Variants in FBXW8 observed in about 807,000 individuals in gnomAD.
FBXW8 encodes F-box and WD repeat domain containing 8, also known as F-box/WD repeat-containing protein 8.
In FBXW8, 57 loss-of-function variants were observed where a neutral mutation model predicts 65.3. That is an observed-to-expected ratio of 0.87 (90% CI 0.71 to 1.09). FBXW8 has a LOEUF of 1.09. FBXW8 is among the 50% of genes least tolerant of loss of function. FBXW8 has a pLI of 0.00. For missense variants in FBXW8, 777 were observed against 814.8 expected (o/e 0.95, Z 0.57); for synonymous variants, 308 against 330.2 (o/e 0.93, Z 0.73).
chr12:117,023,536 T>C (rs1409046759), intron 8 of FBXW8, among the ~76,000 whole-genome samples: 1 of 152,206 alleles, frequency 6.6e-6, no homozygotes, highest in African/African-American at 2.4e-5. Flanking sequence ...AAAGAGGTTC[T>C]TAAAGAAATG....
intron 5 of FBXW8, among the ~76,000 whole-genome samples, chr12:116,967,159 CTT>C (rs769662348): frequency 1.9e-4 from 27 of 142,090 alleles, no homozygotes; most frequent in Admixed American, 2.8e-4. Context: ...TTCTCTGCAC[CTT>C]TTTTTTTTTT....
intron 8 of FBXW8, among the ~76,000 whole-genome samples, chr12:117,020,402 A>T (rs768102137): frequency 1.2e-4 from 18 of 152,166 alleles, no homozygotes; most frequent in Non-Finnish European, 1.9e-4. Flanking sequence ...CATGTCTTTC[A>T]TCAGTTCGGG....
chr12:116,911,594 C>CGGG (rs1396246468), intron 1 of FBXW8, among the ~76,000 whole-genome samples: 3 of 152,126 alleles, frequency 2.0e-5, no homozygotes. Context: ...GGTGCCTCAT[C>CGGG]GGGGTGTGTA....
intron 4 of FBXW8, among the ~76,000 whole-genome samples, chr12:116,963,560 T>G (rs1884123463): frequency 6.6e-6 from 1 of 152,184 alleles, no homozygotes; most frequent in African/African-American, 2.4e-5. Context: ...GCCGAAATTG[T>G]GCCACTGAAC....
rs1565950054 is a variant in FBXW8, at chr12:117,028,177, GTGC to G, written c.*6_*8del. The G allele has an allele frequency of 1.2e-6, 2 of 1,613,532 alleles. No homozygotes were observed. The highest frequency in any genetic ancestry group is 4.5e-5 in the East Asian group (2 of 44,876). The stretch of plus-strand genomic sequence containing the variant: ...TTTCCCTATAACCATGTTTAGGGAT[GTGC>G]CTCAGTTGGGAGCAAGGAGAAAAAT... On this transcript the variant is annotated 3_prime_UTR_variant, in exon 11 of 11. Coordinates refer to ENST00000652555, the MANE Select transcript of FBXW8 (RefSeq NM_153348.3). This position sits in a 1 kb window ranked among gnomAD's most constrained non-coding sequence, Gnocchi z 4.1.
chr12:116,982,001 T>G (rs539058681), intron 5 of FBXW8, among the ~76,000 whole-genome samples: 72 of 152,024 alleles, frequency 4.7e-4, no homozygotes, highest in Non-Finnish European at 8.5e-4. Context: ...AAAAGCAACC[T>G]CTAAAATAAC....
At chr12:116,963,852 A>C (rs898487427) in intron 4 of FBXW8, among the ~76,000 whole-genome samples, 2 of 152,116 alleles carry the variant, frequency 1.3e-5, no homozygotes, top group Non-Finnish European at 2.9e-5. Context: ...ATTTCTCACC[A>C]CTTTTCCCCC....
chr12:116,953,030 A>T (rs1286172993), intron 4 of FBXW8, among the ~76,000 whole-genome samples: 1 of 152,082 alleles, frequency 6.6e-6, no homozygotes, highest in East Asian at 1.9e-4. Context: ...GAGCCACTGC[A>T]CCCGGCCTGT....
rs758732006 is a variant in FBXW8, at chr12:117,027,467, C to T, written c.1615C>T (p.Arg539Ter). Residue 539 changes from arginine (R) to a stop codon, truncating the protein, a stop_gained, in exon 10 of 11, where the codon CGA becomes TGA. Coordinates refer to ENST00000652555, the MANE Select transcript of FBXW8 (RefSeq NM_153348.3). LOFTEE classifies it low-confidence loss of function (END_TRUNC). Reference protein sequence around the residue: ...TANVPYQTVMRNADLDSFTTH... With the variant: ...TANVPYQTVM Reference sequence around the variant, plus strand: ...CAACGTGCCTTACCAGACGGTAATGCGAAACGCCGACCTGGACAGCTTCAC... The same window carrying T: ...CAACGTGCCTTACCAGACGGTAATGTGAAACGCCGACCTGGACAGCTTCAC... 23 of 1,614,124 alleles carry T rather than the reference C, an allele frequency of 1.4e-5. No individual in the cohort carries two copies. In the East Asian group the frequency reaches 2.2e-4, roughly 16 times the overall value.
At chr12:116,915,726 C>G (rs1880356514) in intron 1 of FBXW8, among the ~76,000 whole-genome samples, 1 of 144,812 alleles carries the variant, frequency 6.9e-6, no homozygotes, top group Non-Finnish European at 1.5e-5. Context: ...GATCTTGGCT[C>G]ACTGCAACCC....
rs771851435 is a variant in FBXW8, at chr12:117,024,306, G to T, written c.1527G>T (p.Trp509Cys). The T allele has an allele frequency of 6.2e-7, 1 of 1,614,198 alleles. No homozygotes were observed. The highest frequency in any genetic ancestry group is 8.5e-7 in the Non-Finnish European group (1 of 1,180,024). The change falls in exon 9 of 11, where the codon TGG (tryptophan) becomes TGT (cysteine). Residue 509 changes from tryptophan to cysteine, a missense_variant. By Grantham distance (215) the Trp-to-Cys change is radical. Transcript: ENST00000652555. ...VWDYRMNQKL[W>C]EVYSGHPVQH... is the part of the protein sequence containing the mutation. ...ATTATCGGATGAACCAGAAGCTGTG[G>T]GAGGTGTATTCCGGGTAAGGTGCAT...
Position 117,006,442 on chromosome 12 carries a change from C to T in FBXW8, c.1240-3881C>T, listed in dbSNP as rs77899189. On this transcript the variant is annotated intron_variant, in intron 7 of 10. Coordinates refer to ENST00000652555, the MANE Select transcript of FBXW8 (RefSeq NM_153348.3). ...CCCCACAGGGACAAGAGCCATCTCTCAGCTCTTTCCTTCACAGTTTGCCTG... is the reference window on the plus strand; with the variant it reads ...CCCCACAGGGACAAGAGCCATCTCTTAGCTCTTTCCTTCACAGTTTGCCTG... Among the ~76,000 whole-genome samples the T allele has an allele frequency of 8.4e-3, 1,274 of 152,378 alleles. 18 individuals carry two copies. The highest frequency in any genetic ancestry group is 0.029 in the African/African-American group (1,211 of 41,594).
chr12:116,943,526 TA>T (rs1485062451), intron 2 of FBXW8, among the ~76,000 whole-genome samples: 3 of 152,236 alleles, frequency 2.0e-5, no homozygotes, highest in African/African-American at 7.2e-5. Flanking sequence ...ACTGAACCAG[TA>T]AGTCTCCCAG....
chr12:117,024,372 C>T (rs765178343), intron 9 of FBXW8, 52 bp downstream of exon 9: 1 of 1,597,528 alleles, frequency 6.3e-7, no homozygotes, highest in Non-Finnish European at 8.6e-7. Context: ...ACAGGGAAGG[C>T]AGCACTAATC....
At chr12:116,927,935 A>G (rs1881452944) in intron 1 of FBXW8, 88 bp from the exon 2 acceptor site, 1 of 752,840 alleles carries the variant, frequency 1.3e-6, no homozygotes, top group Non-Finnish European at 2.2e-6. Flanking sequence ...CCACCTAAGA[A>G]TATCTCTGGT....
At chr12:116,915,639 ACTTTTTTTTT>A (rs1880345988) in intron 1 of FBXW8, among the ~76,000 whole-genome samples, 1 of 80,418 alleles carries the variant, frequency 1.2e-5, no homozygotes, top group Non-Finnish European at 2.2e-5. Context: ...TCACCTGACT[ACTTTTTTTTT>A]TTTTTTTTTT....
chr12:116,964,881 T>C (rs1236074141), intron 5 of FBXW8, 27 bp downstream of exon 5: 1 of 1,547,074 alleles, frequency 6.5e-7, no homozygotes, highest in Non-Finnish European at 8.7e-7. Flanking sequence ...CTCCTCCCTA[T>C]TAAGGAAAAA....
At chr12:116,923,952 A>G (rs570439048) in intron 1 of FBXW8, among the ~76,000 whole-genome samples, 1 of 152,270 alleles carries the variant, frequency 6.6e-6, no homozygotes, top group South Asian at 2.1e-4. Context: ...TGACCTCGTG[A>G]TCCGCCTGCC....
At chr12:117,018,980 TC>T (rs1317497947) in intron 8 of FBXW8, among the ~76,000 whole-genome samples, 3 of 152,170 alleles carry the variant, frequency 2.0e-5, no homozygotes, top group African/African-American at 7.2e-5. Flanking sequence ...ACACTTCCGC[TC>T]CCCCTTTCCC....
Sources: gnomAD v4.1 joint callset for allele counts (sites outside exome capture counted in the v4.1 genomes callset) on GRCh38, gnomAD v4.1.1 for gene constraint, Gnocchi (gnomAD v3.1) non-coding constraint, MANE v1.5 for transcripts, NCBI Gene and HGNC (gene_info 2026-07-23, HGNC 2026-07-21) for gene names.